Variants in GPBP1 observed in about 807,000 individuals in gnomAD.
GPBP1 encodes the protein GC-rich promoter binding protein 1.
A neutral mutation model predicts 56.5 loss-of-function variants in GPBP1; 13 were observed. The observed-to-expected ratio is 0.23, with a 90% CI of 0.15 to 0.37. The LOEUF (loss-of-function observed/expected upper bound fraction) is 0.37, where lower values mean the gene tolerates loss of function less well. Among genes scored for constraint, GPBP1 ranks in the 10% least tolerant of loss-of-function variants. The pLI, the probability that GPBP1 is intolerant of heterozygous loss-of-function variation, is 1.00. For synonymous variants in GPBP1, 204 were observed against 188.9 expected, an observed-to-expected ratio of 1.08 and a Z score of -0.66; for missense variants, 477 against 572.3, an observed-to-expected ratio of 0.83 and a Z score of 1.70.
chr5:57,214,155 G>T lies in GPBP1; in HGVS notation c.25G>T (p.Ala9Ser), dbSNP rs1214953504. ...AATGGCGCAGCATGACTTTGCTCCAGCCTGGCTTAATTTCCCTACTCCACC... is the reference window on the plus strand; with the variant it reads ...AATGGCGCAGCATGACTTTGCTCCATCCTGGCTTAATTTCCCTACTCCACC... MAQHDFAP[A>S]WLNFPTPPSS... The change falls in exon 3 of 12, where the codon GCC becomes TCC. Residue 9 changes from alanine to serine, a missense_variant. This residue lies in a region of GPBP1 where 414 missense variants were observed against 458.2 expected (regional missense o/e 0.90). Transcript: ENST00000506184. 1.2e-6 allele frequency: 2 copies of T among 1,614,082 alleles called. No homozygotes were observed. The highest frequency in any genetic ancestry group is 1.7e-6 in the Non-Finnish European group (2 of 1,179,952).
chr5:57,238,671 G>C (rs1740660612), intron 6 of GPBP1, among the ~76,000 whole-genome samples: 1 of 152,158 alleles, frequency 6.6e-6, no homozygotes, highest in Non-Finnish European at 1.5e-5. Flanking sequence ...ACTATTGGCA[G>C]AACTTAACAT....
intron 2 of GPBP1, among the ~76,000 whole-genome samples, chr5:57,211,576 T>TTTGTTGTTGTTGTTGTTGTTG (rs71287163): frequency 2.4e-4 from 36 of 151,034 alleles, no homozygotes; most frequent in African/African-American, 5.8e-4. Context: ...CTCCGGGGAT[T>TTTGTTGTTGTTGTTGTTGTTG]TTGTTGTTGT....
chr5:57,214,249 A>G (rs1383073019), intron 3 of GPBP1, 56 bp downstream of exon 3: 16 of 1,353,824 alleles, frequency 1.2e-5, no homozygotes, highest in Admixed American at 5.0e-5. Context: ...TTTTTTACAC[A>G]AATGTAATTA....
Position 57,175,877 on chromosome 5 carries a change from A to T in GPBP1, c.-581A>T. Reference sequence around the variant, plus strand: ...TTATTGAAAGTTTTAGGAATTTTTGACTTCAGCTCTTTCATGTCACAATGG... The same window carrying T: ...TTATTGAAAGTTTTAGGAATTTTTGTCTTCAGCTCTTTCATGTCACAATGG... On this transcript the variant is annotated 5_prime_UTR_variant, in exon 2 of 12. Transcript: ENST00000506184. The T allele has an allele frequency of 2.5e-6, 1 of 397,952 alleles. No individual in the cohort carries two copies. 24.7% of individuals were successfully genotyped at this position (397,952 alleles called of 1,614,324 possible).
In GPBP1 at chr5:57,246,234, G is replaced by T. The variant is rs1741083394; in HGVS notation, c.479-66G>T. 5 of 1,284,698 alleles carry T rather than the reference G, an allele frequency of 3.9e-6. No individual in the cohort carries two copies. In the South Asian group the frequency reaches 4.8e-5, roughly 12 times the overall value. 79.6% of individuals were successfully genotyped at this position (1,284,698 alleles called of 1,614,324 possible). The stretch of plus-strand genomic sequence containing the variant: ...AAAATTTGGAATATACTGTTCTTTT[G>T]GTGGTTTTATTCTATACTAAAACTT... On this transcript the variant is annotated intron_variant, in intron 6 of 11. Transcript: ENST00000506184.
At chr5:57,232,441 A>T (rs1031174241) in intron 5 of GPBP1, among the ~76,000 whole-genome samples, 1 of 152,222 alleles carries the variant, frequency 6.6e-6, no homozygotes, top group Non-Finnish European at 1.5e-5. Flanking sequence ...TCCTACAATT[A>T]AGCCTAAATA....
rs1756439562 is a variant in GPBP1, at chr5:57,231,118, A to G, written c.208A>G (p.Lys70Glu). 4 of 1,613,194 alleles carry G rather than the reference A, an allele frequency of 2.5e-6. No individual in the cohort carries two copies. Among genetic ancestry groups the G allele is most frequent in the East Asian group, 4.5e-5 (2 of 44,882 alleles). ...PNGGNFGRKE[K>E]NGWRTHGRNG... The stretch of plus-strand genomic sequence containing the variant: ...TAAAGGTAACTTTGGAAGGAAAGAA[A>G]AAAATGGATGGCGTACACATGGAAG... The change falls in exon 5 of 12, where the codon AAA (lysine) becomes GAA (glutamate). Residue 70 changes from lysine (K) to glutamate (E), a missense_variant. This residue lies in a region of GPBP1 where 414 missense variants were observed against 458.2 expected (regional missense o/e 0.90). Coordinates refer to ENST00000506184, the MANE Select transcript of GPBP1 (RefSeq NM_022913.4).
intron 10 of GPBP1, among the ~76,000 whole-genome samples, chr5:57,257,127 G>A (rs1212263162): frequency 1.3e-5 from 2 of 151,692 alleles, no homozygotes; most frequent in Non-Finnish European, 2.9e-5. Context: ...TCCACCTCCC[G>A]GGTTCAAGTG....
At chr5:57,184,689 A>G (rs1754208538) in intron 2 of GPBP1, among the ~76,000 whole-genome samples, 1 of 152,150 alleles carries the variant, frequency 6.6e-6, no homozygotes, top group Non-Finnish European at 1.5e-5. Flanking sequence ...ATGACAAGAA[A>G]ATTCTTTAAA....
At chr5:57,215,840 C>T (rs188445353) in intron 3 of GPBP1, among the ~76,000 whole-genome samples, 1 of 151,186 alleles carries the variant, frequency 6.6e-6, no homozygotes, top group East Asian at 1.9e-4. Context: ...TGTGAAACTA[C>T]TTATTGCTTA....
chr5:57,209,377 T>C (rs1755378940), intron 2 of GPBP1, among the ~76,000 whole-genome samples: 1 of 152,204 alleles, frequency 6.6e-6, no homozygotes, highest in African/African-American at 2.4e-5. Flanking sequence ...TATAGCACTC[T>C]ACAGCCTCAA....
At chr5:57,234,123 A>G (rs1002564765) in intron 5 of GPBP1, among the ~76,000 whole-genome samples, 112 of 152,284 alleles carry the variant, frequency 7.4e-4, no homozygotes, top group African/African-American at 2.6e-3. Context: ...ATGCATGTAT[A>G]TTTGCTTTAC....
chr5:57,211,937 A>T (rs1269431162), intron 2 of GPBP1, among the ~76,000 whole-genome samples: 1 of 122,718 alleles, frequency 8.1e-6, no homozygotes, highest in Non-Finnish European at 2.0e-5. Context: ...ATTTTAATTA[A>T]AAAAAAATTT....
intron 2 of GPBP1, among the ~76,000 whole-genome samples, chr5:57,212,815 G>A (rs1207774247): frequency 5.3e-5 from 8 of 150,850 alleles, no homozygotes; most frequent in African/African-American, 1.2e-4. Flanking sequence ...GATTACAGGC[G>A]CACACCACCA....
chr5:57,203,043 A>G (rs958285291), intron 2 of GPBP1, among the ~76,000 whole-genome samples: 3 of 152,058 alleles, frequency 2.0e-5, no homozygotes, highest in Non-Finnish European at 4.4e-5. Flanking sequence ...AGTAAAGCTT[A>G]TTTTCTTGTA....
chr5:57,192,614 G>A (rs1442027532), intron 2 of GPBP1, among the ~76,000 whole-genome samples: 1 of 152,020 alleles, frequency 6.6e-6, no homozygotes, highest in African/African-American at 2.4e-5. Context: ...TTAGCCTGGC[G>A]TGATGGTGAA....
intron 2 of GPBP1, among the ~76,000 whole-genome samples, chr5:57,212,555 T>C (rs925179363): frequency 8.5e-5 from 13 of 152,192 alleles, no homozygotes; most frequent in Non-Finnish European, 1.2e-4. Flanking sequence ...TCAGAGTTTT[T>C]CTCCCTAAGC....
chr5:57,248,554 A>G (rs1297606488), intron 8 of GPBP1, among the ~76,000 whole-genome samples: 1 of 151,338 alleles, frequency 6.6e-6, no homozygotes, highest in Non-Finnish European at 1.5e-5. Flanking sequence ...CAGCCTCCCA[A>G]GTAGCTGGGA....
intron 3 of GPBP1, among the ~76,000 whole-genome samples, chr5:57,226,885 G>T (rs1371342257): frequency 6.6e-6 from 1 of 151,366 alleles, no homozygotes; most frequent in Non-Finnish European, 1.5e-5. Context: ...GACTGCAGGT[G>T]CCCGCCACCG....
Sources: gnomAD v4.1 joint callset for allele counts (sites outside exome capture counted in the v4.1 genomes callset) on GRCh38, gnomAD v4.1.1 for gene constraint, gnomAD v4.1.1 regional missense constraint, MANE v1.5 for transcripts, NCBI Gene and HGNC (gene_info 2026-07-23, HGNC 2026-07-21) for gene names.